Variants in ERC1 observed in about 807,000 individuals in gnomAD.
ERC1 encodes RAB6 interacting protein 2.
Under a neutral mutation model 132.0 loss-of-function variants are expected in ERC1, and 56 were observed. The observed-to-expected ratio is 0.42, with a 90% CI of 0.34 to 0.53. The LOEUF (loss-of-function observed/expected upper bound fraction) is 0.53. ERC1 is among the 20% of genes least tolerant of loss of function. ERC1 has a pLI of 0.03. For missense variants in ERC1, 1,202 were observed against 1,349.9 expected, an observed-to-expected ratio of 0.89 and a Z score of 1.72; for synonymous variants, 478 against 476.1, an observed-to-expected ratio of 1.00 and a Z score of -0.05.
At chr12:1,021,523 C>CCCCGTATCTAACATGGTGAAAG (rs1966367985) in intron 1 of ERC1, among the ~76,000 whole-genome samples, 2 of 151,712 alleles carry the variant, frequency 1.3e-5, no homozygotes, top group Non-Finnish European at 2.9e-5. Flanking sequence ...CATGGTGAAA[C>CCCCGTATCTAACATGGTGAAAG]CCCGTATCTA....
intron 15 of ERC1, among the ~76,000 whole-genome samples, chr12:1,305,300 C>T (rs1308441359): frequency 1.3e-5 from 2 of 152,134 alleles, no homozygotes; most frequent in Non-Finnish European, 2.9e-5. Flanking sequence ...ATGAGTAATT[C>T]TTTTCCTACC....
At chr12:1,448,888 T>C (rs1435434611) in intron 18 of ERC1, among the ~76,000 whole-genome samples, 1 of 152,230 alleles carries the variant, frequency 6.6e-6, no homozygotes, top group Non-Finnish European at 1.5e-5. Context: ...CGGGAAAAGC[T>C]GTAGGCACTC....
At chr12:1,487,163 C>A (rs2094232782) in intron 18 of ERC1, among the ~76,000 whole-genome samples, 1 of 152,148 alleles carries the variant, frequency 6.6e-6, no homozygotes, top group Non-Finnish European at 1.5e-5. Flanking sequence ...TGTGACACAG[C>A]CAGAGTTTGG....
intron 2 of ERC1, among the ~76,000 whole-genome samples, chr12:1,036,425 AG>A (rs1969098051): frequency 6.8e-6 from 1 of 146,494 alleles, no homozygotes; most frequent in Admixed American, 7.0e-5. Flanking sequence ...CCCAGCCTGG[AG>A]TGCAATGGTG....
rs71441650 is a variant in ERC1 at position 1,485,201 on chromosome 12, C to CTTTTTT, written c.3214-4876_3214-4871dup. Among the ~76,000 whole-genome samples the CTTTTTT allele has an allele frequency of 1.3e-3, 123 of 96,376 alleles. 2 individuals are homozygous for CTTTTTT. The highest frequency in any genetic ancestry group is 1.7e-3 in the Non-Finnish European group (85 of 50,774). The allele number at this position is 96,376 out of a possible 152,430, so 63.2% of individuals were successfully genotyped here. ...CCCAAACCTGGTCAAGTTTATATTTCTTTTTTTTTTTTTTTTTTTTTGAGA... is the reference window on the plus strand; with the variant it reads ...CCCAAACCTGGTCAAGTTTATATTTCTTTTTTTTTTTTTTTTTTTTTTTTTTTGAGA... On this transcript the variant is annotated intron_variant, in intron 18 of 18. Coordinates refer to ENST00000360905, the MANE Select transcript of ERC1 (RefSeq NM_178040.4).
intron 18 of ERC1, among the ~76,000 whole-genome samples, chr12:1,467,476 C>A (rs2093766515): frequency 6.6e-6 from 1 of 152,116 alleles, no homozygotes; most frequent in Non-Finnish European, 1.5e-5. Flanking sequence ...GTATCCCAGG[C>A]CTGATGATTG....
At position 1,492,319 on chromosome 12, in the gene ERC1, A is replaced by C. The variant is rs1162238522; in HGVS notation, c.*2089A>C. ...GTAAACCATGTAGAAAGCTCCCAGC[A>C]CTGAAAGGCAGGAGTGTTAGCATCT... is the stretch of plus-strand genomic sequence containing the variant. On this transcript the variant is annotated 3_prime_UTR_variant, in exon 19 of 19. Coordinates refer to ENST00000360905, the MANE Select transcript of ERC1 (RefSeq NM_178040.4). The C allele has an allele frequency of 4.3e-6, 1 of 233,174 alleles. No homozygotes were observed. The highest frequency in any genetic ancestry group is 5.6e-5 in the Admixed American group (1 of 17,784). The allele number at this position is 233,174 out of a possible 1,614,324, so 14.4% of individuals were successfully genotyped here.
At chr12:1,052,687 C>T (rs541815532) in intron 2 of ERC1, among the ~76,000 whole-genome samples, 8 of 152,048 alleles carry the variant, frequency 5.3e-5, no homozygotes, top group Non-Finnish European at 1.2e-4. Context: ...ATGAAATTGT[C>T]GGACAGGCGC....
At chr12:1,396,223 CTATA>C (rs2090529353) in intron 16 of ERC1, among the ~76,000 whole-genome samples, 1 of 152,094 alleles carries the variant, frequency 6.6e-6, no homozygotes, top group Non-Finnish European at 1.5e-5. Flanking sequence ...TGATTGGTAA[CTATA>C]TATCTATTTT....
rs1014445146 is a variant in ERC1, at chr12:1,492,672, T to C, written c.*2442T>C. On this transcript the variant is annotated 3_prime_UTR_variant, in exon 19 of 19. Coordinates refer to ENST00000360905, the MANE Select transcript of ERC1 (RefSeq NM_178040.4). ...GCATTTCCGGGACCGATATCATCTG[T>C]CTGGTCTCTGTGAACAGCAAGGAAT... 4.3e-6 allele frequency: 1 copy of C among 232,824 alleles called. No individual in the cohort carries two copies. The highest frequency in any genetic ancestry group is 2.2e-5 in the African/African-American group (1 of 45,324). 14.4% of individuals were successfully genotyped at this position (232,824 alleles called of 1,614,324 possible).
At chr12:1,139,811 A>G (rs548884062) in intron 7 of ERC1, among the ~76,000 whole-genome samples, 3 of 152,294 alleles carry the variant, frequency 2.0e-5, no homozygotes, top group African/African-American at 7.2e-5. Context: ...TAAAAAAAGA[A>G]GGACGATAGA....
intron 2 of ERC1, among the ~76,000 whole-genome samples, chr12:1,040,174 T>G (rs1156858816): frequency 6.6e-6 from 1 of 152,198 alleles, no homozygotes; most frequent in Non-Finnish European, 1.5e-5. Context: ...ACAAAAAATG[T>G]GCTTTCAGTG....
At chr12:1,039,884 A>G (rs1324502898) in intron 2 of ERC1, among the ~76,000 whole-genome samples, 3 of 152,302 alleles carry the variant, frequency 2.0e-5, no homozygotes, top group Middle Eastern at 3.4e-3. Flanking sequence ...AAGCCATTAG[A>G]AGATACAGTT....
At chr12:1,076,501 T>A (rs1278669165) in intron 2 of ERC1, among the ~76,000 whole-genome samples, 1 of 151,822 alleles carries the variant, frequency 6.6e-6, no homozygotes, top group Non-Finnish European at 1.5e-5. Context: ...TTCTAGCAAT[T>A]CTCCTGCCTC....
chr12:1,307,011 C>T (rs1005900109), intron 15 of ERC1, among the ~76,000 whole-genome samples: 17 of 152,038 alleles, frequency 1.1e-4, no homozygotes, highest in African/African-American at 3.9e-4. Context: ...TGACGGGCTC[C>T]GGAGCAAGTG....
At chr12:1,118,480 T>C (rs1946698999) in intron 7 of ERC1, among the ~76,000 whole-genome samples, 1 of 152,204 alleles carries the variant, frequency 6.6e-6, no homozygotes, top group African/African-American at 2.4e-5. Context: ...TTTTTAGCCA[T>C]TGCAGGAGTA....
At chr12:1,023,843 G>C (rs1966716289) in intron 1 of ERC1, among the ~76,000 whole-genome samples, 1 of 152,136 alleles carries the variant, frequency 6.6e-6, no homozygotes, top group Non-Finnish European at 1.5e-5. Flanking sequence ...AAGTTAAAAA[G>C]GCATTAGAGA....
At chr12:1,427,106 A>C (rs534848887) in intron 17 of ERC1, among the ~76,000 whole-genome samples, 1 of 152,234 alleles carries the variant, frequency 6.6e-6, no homozygotes, top group African/African-American at 2.4e-5. Flanking sequence ...TTGTGTTCTT[A>C]AATCCCAGAC....
chr12:1,401,061 G>C (rs1328703081), intron 16 of ERC1, among the ~76,000 whole-genome samples: 2 of 149,590 alleles, frequency 1.3e-5, no homozygotes, highest in South Asian at 4.2e-4. Context: ...TCAGCCTCCC[G>C]AGTAGCTGGG....
Sources: allele counts gnomAD v4.1 joint callset (sites outside exome capture counted in the v4.1 genomes callset), GRCh38; gene constraint gnomAD v4.1.1; transcripts MANE v1.5; gene names NCBI Gene and HGNC (gene_info 2026-07-23, HGNC 2026-07-21).